TAMM41: variants seen among roughly 807,000 people sequenced by gnomAD.
The protein encoded by TAMM41 is TAM41 mitochondrial translocator assembly and maintenance homolog.
In TAMM41, 36 loss-of-function variants were observed where a neutral mutation model predicts 44.1. That is an observed-to-expected ratio of 0.82 (90% CI 0.63 to 1.08). The LOEUF (loss-of-function observed/expected upper bound fraction) is 1.08. TAMM41 is among the 50% of genes least tolerant of loss of function. The pLI is 0.00. For missense variants in TAMM41, 417 were observed against 404.3 expected (o/e 1.03, Z -0.27); for synonymous variants, 164 against 153.1 (o/e 1.07, Z -0.53).
the TAMM41 span, among the ~76,000 whole-genome samples, chr3:11,743,528 T>A: frequency 3.7e-4 from 57 of 152,156 alleles, 1 homozygote; most frequent in Admixed American, 3.3e-3. Context: ...GAGACGGGTT[T>A]CACCATGTTG....
At chr3:11,766,457 C>A in the TAMM41 span, among the ~76,000 whole-genome samples, 1 of 151,496 alleles carries the variant, frequency 6.6e-6, no homozygotes, top group African/African-American at 2.4e-5. Flanking sequence ...TGTGAGCCAC[C>A]GTGCCTAGCT....
chr3:11,745,247 C>T, the TAMM41 span, among the ~76,000 whole-genome samples: 4 of 152,304 alleles, frequency 2.6e-5, no homozygotes, highest in Non-Finnish European at 5.9e-5. Flanking sequence ...TAGAGGATCA[C>T]TTGAGCACAG....
At chr3:11,793,999 T>C (rs1050696034) in intron 7 of TAMM41, among the ~76,000 whole-genome samples, 1 of 152,134 alleles carries the variant, frequency 6.6e-6, no homozygotes, top group Non-Finnish European at 1.5e-5. Context: ...TGGTCACACA[T>C]AGAACAAATA....
At chr3:11,738,477 T>C in the TAMM41 span, among the ~76,000 whole-genome samples, 1 of 152,328 alleles carries the variant, frequency 6.6e-6, no homozygotes, top group East Asian at 1.9e-4. Context: ...AACTTTCAAA[T>C]TGGCTAATGT....
the TAMM41 span, among the ~76,000 whole-genome samples, chr3:11,765,470 C>T: frequency 3.9e-5 from 6 of 152,122 alleles, no homozygotes; most frequent in Admixed American, 3.9e-4. Flanking sequence ...GTTAAGAAAA[C>T]TTCTCCAAAG....
intron 5 of TAMM41, among the ~76,000 whole-genome samples, chr3:11,814,609 A>AATT (rs1322309047): frequency 6.6e-6 from 1 of 152,174 alleles, no homozygotes; most frequent in African/African-American, 2.4e-5. Flanking sequence ...ATGAAGAAAT[A>AATT]ATTACAGAAA....
At chr3:11,758,759 C>T in the TAMM41 span, among the ~76,000 whole-genome samples, 3 of 152,108 alleles carry the variant, frequency 2.0e-5, no homozygotes, top group African/African-American at 7.2e-5. Flanking sequence ...CTGCAACCCC[C>T]GCCTCCCAGG....
chr3:11,728,433 C>T, the TAMM41 span, among the ~76,000 whole-genome samples: 10 of 152,316 alleles, frequency 6.6e-5, no homozygotes, highest in Non-Finnish European at 1.3e-4. Context: ...TAAAGCTACA[C>T]AAGGTTCAAA....
chr3:11,756,393 A>C, the TAMM41 span, among the ~76,000 whole-genome samples: 1 of 152,146 alleles, frequency 6.6e-6, no homozygotes, highest in Non-Finnish European at 1.5e-5. Flanking sequence ...CTGAGGGTCC[A>C]CTCTGTGCCT....
intron 7 of TAMM41, chr3:11,807,405 G>A (rs973750269): frequency 7.2e-6 from 11 of 1,527,918 alleles, no homozygotes; most frequent in African/African-American, 1.4e-5. Context: ...AAGGAGCAAC[G>A]AAAACTTACC....
chr3:11,773,427 G>A, the TAMM41 span, among the ~76,000 whole-genome samples: 2 of 151,444 alleles, frequency 1.3e-5, no homozygotes, highest in Admixed American at 1.3e-4. Flanking sequence ...CGCTATTTTG[G>A]CCAGGTTGGT....
At chr3:11,788,772 C>A (rs1174431995), downstream of TAMM41, among the ~76,000 whole-genome samples, 4 of 151,940 alleles carry the variant, frequency 2.6e-5, no homozygotes, top group Non-Finnish European at 5.9e-5. Context: ...CCTGTTTCTA[C>A]TAAAAATAGA....
chr3:11,839,091 T>C (rs1024944623), intron 3 of TAMM41, 131 bp downstream of exon 3: 5 of 523,596 alleles, frequency 9.5e-6, no homozygotes, highest in East Asian at 8.9e-5. Context: ...ATAAATTTTA[T>C]AGGGAATAGG....
chr3:11,785,560 G>A (rs1169932566), downstream of TAMM41, among the ~76,000 whole-genome samples: 2 of 152,064 alleles, frequency 1.3e-5, no homozygotes, highest in African/African-American at 2.4e-5. Context: ...TCTTGACCTC[G>A]TCATCCACCT....
the TAMM41 span, among the ~76,000 whole-genome samples, chr3:11,785,082 T>G: frequency 6.6e-6 from 1 of 152,166 alleles, no homozygotes; most frequent in African/African-American, 2.4e-5. Flanking sequence ...ATCTGGATGC[T>G]CAGTCACCAC....
At chr3:11,785,248 G>C in the TAMM41 span, among the ~76,000 whole-genome samples, 1 of 152,180 alleles carries the variant, frequency 6.6e-6, no homozygotes, top group Non-Finnish European at 1.5e-5. Flanking sequence ...CAGAAGATAG[G>C]AGGAAGAGAA....
the TAMM41 span, among the ~76,000 whole-genome samples, chr3:11,778,489 C>G: frequency 6.6e-6 from 1 of 152,180 alleles, no homozygotes; most frequent in East Asian, 1.9e-4. Flanking sequence ...CCCAGGAACT[C>G]TATATTTAAC....
chr3:11,788,580 T>C (rs1284628464), downstream of TAMM41, among the ~76,000 whole-genome samples: 1 of 152,138 alleles, frequency 6.6e-6, no homozygotes, highest in Non-Finnish European at 1.5e-5. Flanking sequence ...TGAGCCACCA[T>C]GCCCAGTCTA....
chr3:11,798,620 A>G (rs1394969524), intron 7 of TAMM41, among the ~76,000 whole-genome samples: 1 of 152,188 alleles, frequency 6.6e-6, no homozygotes, highest in Non-Finnish European at 1.5e-5. Context: ...GTTTACCTGC[A>G]TAACAAACTT....
Sources: allele counts gnomAD v4.1 joint callset (sites outside exome capture counted in the v4.1 genomes callset), GRCh38; gene constraint gnomAD v4.1.1; transcripts MANE v1.5; gene names NCBI Gene and HGNC (gene_info 2026-07-23, HGNC 2026-07-21).